Variants in CPEB3 observed in about 807,000 individuals in gnomAD.
The protein encoded by CPEB3 is cytoplasmic polyadenylation element-binding protein 3.
CPEB3 carries 20 observed loss-of-function variants against 67.2 expected under a neutral mutation model. The ratio of observed to expected loss-of-function variants is 0.30; its 90% CI spans 0.21 to 0.43. The LOEUF (loss-of-function observed/expected upper bound fraction) is 0.43, where lower values mean the gene tolerates loss of function less well. CPEB3 is among the 20% of genes least tolerant of loss of function. The probability of loss-of-function intolerance (pLI) is 1.00; values close to 1 mark genes in which losing one functional copy is unlikely to be tolerated. For missense variants in CPEB3, 746 were observed against 968.6 expected (o/e 0.77, Z 3.05); for synonymous variants, 376 against 393.1 (o/e 0.96, Z 0.51).
chr10:92,136,025 G>A (rs1156842123), intron 6 of CPEB3, among the ~76,000 whole-genome samples: 1 of 151,802 alleles, frequency 6.6e-6, no homozygotes, highest in Non-Finnish European at 1.5e-5. Flanking sequence ...GTGGGGGGCA[G>A]GGGGAGGGAT....
chr10:92,261,700 C>T (rs966189512), intron 1 of CPEB3, among the ~76,000 whole-genome samples: 6 of 152,180 alleles, frequency 3.9e-5, no homozygotes, highest in Non-Finnish European at 5.9e-5. Context: ...CCACCCACCT[C>T]GGCCTCCTAA....
chr10:92,149,664 T>C (rs189789390), intron 4 of CPEB3, among the ~76,000 whole-genome samples: 2 of 152,198 alleles, frequency 1.3e-5, no homozygotes, highest in Non-Finnish European at 2.9e-5. Context: ...TAGAGTACGA[T>C]AGACGTTAGC....
At chr10:92,078,949 G>A (rs1017839488) in intron 9 of CPEB3, among the ~76,000 whole-genome samples, 23 of 152,234 alleles carry the variant, frequency 1.5e-4, no homozygotes, top group African/African-American at 3.9e-4. Flanking sequence ...CAGGAGGTCC[G>A]TAGAATGGAG....
At chr10:92,076,910 G>C (rs1032022971) in intron 9 of CPEB3, among the ~76,000 whole-genome samples, 1 of 151,842 alleles carries the variant, frequency 6.6e-6, no homozygotes, top group African/African-American at 2.4e-5. Flanking sequence ...AGGAAGAAGG[G>C]AGGGAGGAAG....
At chr10:92,244,454 T>C (rs1851975944) in intron 1 of CPEB3, among the ~76,000 whole-genome samples, 1 of 151,970 alleles carries the variant, frequency 6.6e-6, no homozygotes, top group Non-Finnish European at 1.5e-5. Context: ...TTCTTTTTTT[T>C]TGAGATGGAG....
rs747584733 is a variant in CPEB3 at position 92,239,655 on chromosome 10, T to TGCGGCAGCA, written c.687_695dup (p.Ala233_Ala235dup). Reference sequence around the variant, plus strand: ...TGGACGAGGCCGACGAGGCGGCGGCTGCGGCAGCAGCGGCTGCAACCGCCG... The same window carrying TGCGGCAGCA: ...TGGACGAGGCCGACGAGGCGGCGGCTGCGGCAGCAGCGGCAGCAGCGGCTGCAACCGCCG... On this transcript the variant is annotated inframe_insertion, in exon 2 of 10. Coordinates refer to ENST00000265997, the MANE Select transcript of CPEB3 (RefSeq NM_014912.5). This position sits in a 1 kb window ranked among gnomAD's most constrained non-coding sequence, Gnocchi z 6.0. The TGCGGCAGCA allele has an allele frequency of 3.0e-5, 47 of 1,562,362 alleles. No homozygotes were observed. The East Asian group carries it at 1.0e-3, about 34-fold the overall frequency.
chr10:92,169,303 T>C (rs1357378561), intron 4 of CPEB3, among the ~76,000 whole-genome samples: 1 of 152,070 alleles, frequency 6.6e-6, no homozygotes, highest in Non-Finnish European at 1.5e-5. Flanking sequence ...CATGCCCAGC[T>C]AATTTTTGTA....
intron 2 of CPEB3, among the ~76,000 whole-genome samples, chr10:92,237,095 A>T (rs144738147): frequency 3.9e-5 from 6 of 152,348 alleles, no homozygotes; most frequent in Admixed American, 6.5e-5. Flanking sequence ...CAATAAATGC[A>T]CATACACAAA....
intron 2 of CPEB3, among the ~76,000 whole-genome samples, chr10:92,227,136 G>A (rs993257679): frequency 6.6e-6 from 1 of 152,178 alleles, no homozygotes; most frequent in Non-Finnish European, 1.5e-5. Flanking sequence ...CAAAACAAAA[G>A]GTCAGGGAGA....
chr10:92,245,968 G>A (rs1239102826), intron 1 of CPEB3, among the ~76,000 whole-genome samples: 1 of 151,796 alleles, frequency 6.6e-6, no homozygotes, highest in Non-Finnish European at 1.5e-5. Context: ...AACCTGGGAG[G>A]TGGGGGTTGC....
chr10:92,289,285 C>G (rs1004371894), intron 1 of CPEB3, among the ~76,000 whole-genome samples: 1 of 151,720 alleles, frequency 6.6e-6, no homozygotes, highest in African/African-American at 2.4e-5. Flanking sequence ...CCCCTGTAAT[C>G]CCAGCACTTT....
chr10:92,184,633 G>T (rs1848606816), intron 3 of CPEB3, among the ~76,000 whole-genome samples: 1 of 151,958 alleles, frequency 6.6e-6, no homozygotes, highest in East Asian at 1.9e-4. Context: ...AGACACTCTG[G>T]GTCGAGAAGG....
rs147749096 is a variant in CPEB3, at chr10:92,280,228, C to A, written c.-12+10698G>T. 3.2e-3 allele frequency among the ~76,000 whole-genome samples: 490 copies of A among 151,078 alleles called. 3 individuals carry two copies. The highest frequency in any genetic ancestry group is 0.012 in the African/African-American group (475 of 41,082). On this transcript the variant is annotated intron_variant, in intron 1 of 9. Coordinates refer to ENST00000265997, the MANE Select transcript of CPEB3 (RefSeq NM_014912.5). Reference sequence around the variant, plus strand: ...GGGTGTGATGGCACACACCTATAATCCCAGCTACTCAGGAGGTAAGGCAGG... The same window carrying A: ...GGGTGTGATGGCACACACCTATAATACCAGCTACTCAGGAGGTAAGGCAGG...
chr10:92,115,216 C>A, intron 6 of CPEB3, among the ~76,000 whole-genome samples: 1 of 152,200 alleles, frequency 6.6e-6, no homozygotes, highest in East Asian at 1.9e-4. Flanking sequence ...TGCAGTGAGG[C>A]GATCTCGGAT....
At position 92,051,001 on chromosome 10, in the gene CPEB3, A is replaced by G. The variant is rs1399218084; in HGVS notation, c.*1211T>C. ...AACAGTTAAGTTTGATCACAGTTAG[A>G]CATAATCACTTTACTATATAAAATA... On this transcript the variant is annotated 3_prime_UTR_variant, in exon 10 of 10. Coordinates refer to ENST00000265997, the MANE Select transcript of CPEB3 (RefSeq NM_014912.5). 6.5e-6 allele frequency: 1 copy of G among 152,784 alleles called. No individual in the cohort carries two copies. Among genetic ancestry groups the G allele is most frequent in the African/African-American group, 2.4e-5 (1 of 41,574 alleles). The allele number at this position is 152,784 out of a possible 1,614,324, so 9.5% of individuals were successfully genotyped here. A position where few individuals can be genotyped will look rare whatever the true frequency, so the allele number is the denominator to read the frequency against.
intron 3 of CPEB3, among the ~76,000 whole-genome samples, chr10:92,181,586 T>A (rs924751485): frequency 1.3e-5 from 2 of 152,136 alleles, no homozygotes; most frequent in Non-Finnish European, 2.9e-5. Context: ...CACTAACTAG[T>A]GATATGACCT....
At chr10:92,289,732 A>AAAAAAAAAAAAAAATATAT in intron 1 of CPEB3, among the ~76,000 whole-genome samples, 16 of 75,758 alleles carry the variant, frequency 2.1e-4, no homozygotes, top group Non-Finnish European at 3.6e-4. Flanking sequence ...AAAAAAAAAA[A>AAAAAAAAAAAAAAATATAT]ATATATATAT....
At chr10:92,193,401 C>T (rs1849075925) in intron 2 of CPEB3, among the ~76,000 whole-genome samples, 1 of 152,090 alleles carries the variant, frequency 6.6e-6, no homozygotes, top group Non-Finnish European at 1.5e-5. Flanking sequence ...ACCCTCCACC[C>T]AATAACCTTA....
At chr10:92,109,835 G>A (rs1844648119) in intron 7 of CPEB3, among the ~76,000 whole-genome samples, 1 of 152,150 alleles carries the variant, frequency 6.6e-6, no homozygotes, top group African/African-American at 2.4e-5. Context: ...TTAGCAAACA[G>A]TTGTAAACCC....
Sources: allele counts gnomAD v4.1 joint callset (sites outside exome capture counted in the v4.1 genomes callset), GRCh38; gene constraint gnomAD v4.1.1; non-coding constraint Gnocchi (gnomAD v3.1); transcripts MANE v1.5; gene names NCBI Gene and HGNC (gene_info 2026-07-23, HGNC 2026-07-21).